DNAH6: variants seen among roughly 807,000 people sequenced by gnomAD.
DNAH6 encodes axonemal beta dynein heavy chain 6.
Under a neutral mutation model 491.4 loss-of-function variants are expected in DNAH6, and 340 were observed. That is an observed-to-expected ratio of 0.69 (90% confidence interval 0.63 to 0.76). The LOEUF (loss-of-function observed/expected upper bound fraction) is 0.76, where lower values mean the gene tolerates loss of function less well. Ranked by LOEUF, DNAH6 falls within the 30% of genes least tolerant of loss-of-function variation. The pLI is 0.00. For missense variants in DNAH6, 4,443 were observed against 4,972.2 expected (o/e 0.89, Z 3.20); for synonymous variants, 1,603 against 1,686.1 (o/e 0.95, Z 1.21).
At chr2:84,488,385 T>TA in the DNAH6 span, among the ~76,000 whole-genome samples, 2 of 82,520 alleles carry the variant, frequency 2.4e-5, no homozygotes, top group South Asian at 3.7e-4. Flanking sequence ...ATAAAAAAAA[T>TA]TAAAAAATAA....
chr2:84,744,970 T>C (rs1672827638), intron 62 of DNAH6, 110 bp from the exon 63 acceptor site: 4 of 673,210 alleles, frequency 5.9e-6, no homozygotes, highest in Non-Finnish European at 7.0e-6. Flanking sequence ...AGTATACTTG[T>C]GGTTAAAACT....
rs1182311759 is a variant in DNAH6, at chr2:84,529,149, T to G, written c.645T>G (p.Tyr215Ter). ...CAGTGCCAAGATCATCCATTGAATA[T>G]GATACATATAATCTAAAGTGAGTTA... ...IPAVPRSSIE[Y>*]DTYNLKVVSY... is the part of the protein sequence containing the mutation. The change falls in exon 4 of 77, where the codon TAT (tyrosine) becomes TAG (stop). Residue 215 changes from tyrosine to a stop codon, truncating the protein, a stop_gained. Transcript: ENST00000389394. LOFTEE classifies it high-confidence loss of function. The G allele has an allele frequency of 6.5e-7, 1 of 1,546,726 alleles. No individual in the cohort carries two copies. Among genetic ancestry groups the G allele is most frequent in the South Asian group, 1.2e-5 (1 of 83,832 alleles).
the DNAH6 span, among the ~76,000 whole-genome samples, chr2:84,467,355 A>G: frequency 6.6e-6 from 1 of 152,196 alleles, no homozygotes; most frequent in Non-Finnish European, 1.5e-5. Context: ...AAGAGTCTCA[A>G]TTACATGTTA....
rs116398232 is a variant in DNAH6, at chr2:84,579,600, A to G, written c.2150A>G (p.Glu717Gly). The stretch of plus-strand genomic sequence containing the variant: ...ATTATCTTTGAGGCACAAGATGCAG[A>G]GTATAAACTTGAGTTTGTTCCAACT... ...DAIIFEAQDAEYKLEFVPTTT... is the reference protein window; with the variant it reads ...DAIIFEAQDAGYKLEFVPTTT... The change falls in exon 14 of 77, where the codon GAG becomes GGG. Residue 717 changes from glutamate to glycine, a missense_variant. Around this residue, in one of 3 missense-constraint regions of DNAH6, gnomAD observed 2,977 missense variants for 3,296.6 expected, o/e 0.90. Transcript: ENST00000389394. The G allele has an allele frequency of 1.0e-3, 1,623 of 1,612,766 alleles. 2 individuals carry two copies. The highest frequency in any genetic ancestry group is 1.3e-3 in the Non-Finnish European group (1,507 of 1,179,564).
the DNAH6 span, among the ~76,000 whole-genome samples, chr2:84,473,290 G>A: frequency 2.6e-5 from 4 of 152,288 alleles, no homozygotes; most frequent in South Asian, 8.3e-4. Context: ...ATCTGATTTG[G>A]ATCATATCCC....
At chr2:84,686,592 A>ATCTCC in intron 44 of DNAH6, 35 bp downstream of exon 44, 1 of 1,173,436 alleles carries the variant, frequency 8.5e-7, no homozygotes, top group South Asian at 1.5e-5. Context: ...CTCATTTGAA[A>ATCTCC]ATTGTAAAGC....
chr2:84,556,926 C>T (rs569427830), intron 10 of DNAH6, among the ~76,000 whole-genome samples: 48 of 152,218 alleles, frequency 3.2e-4, no homozygotes, highest in Admixed American at 7.2e-4. Flanking sequence ...TTTAAAAGCA[C>T]CAGAACTTAT....
intron 61 of DNAH6, among the ~76,000 whole-genome samples, chr2:84,730,185 C>T (rs750506114): frequency 6.6e-6 from 1 of 152,108 alleles, no homozygotes; most frequent in Non-Finnish European, 1.5e-5. Flanking sequence ...GCAACAACAA[C>T]AAAAGGTGGG....
chr2:84,658,907 G>C (rs1377525836), intron 36 of DNAH6, 119 bp from the exon 37 acceptor site: 2 of 597,342 alleles, frequency 3.3e-6, no homozygotes, highest in Non-Finnish European at 5.5e-6. Context: ...AATATACACT[G>C]TGCCCATTTA....
At chr2:84,548,705 T>G (rs1039728917) in intron 8 of DNAH6, among the ~76,000 whole-genome samples, 2 of 152,088 alleles carry the variant, frequency 1.3e-5, no homozygotes, top group Non-Finnish European at 2.9e-5. Context: ...CATGGTAACC[T>G]GAATGCATGG....
intron 11 of DNAH6, among the ~76,000 whole-genome samples, chr2:84,560,780 G>A (rs1467704389): frequency 2.6e-5 from 4 of 152,090 alleles, no homozygotes; most frequent in Non-Finnish European, 1.5e-5. Flanking sequence ...CCCTACAAAC[G>A]ACATCAACTC....
intron 11 of DNAH6, among the ~76,000 whole-genome samples, chr2:84,562,999 C>G (rs1490879923): frequency 1.3e-5 from 2 of 152,056 alleles, no homozygotes; most frequent in South Asian, 2.1e-4. Flanking sequence ...CCGTGCTGTT[C>G]TCGTGATAAT....
chr2:84,806,006 C>T (rs1679381547), intron 71 of DNAH6, among the ~76,000 whole-genome samples: 1 of 152,118 alleles, frequency 6.6e-6, no homozygotes, highest in South Asian at 2.1e-4. Flanking sequence ...AATTGGTTTC[C>T]AGCTCAATGT....
chr2:84,539,949 G>T (rs1037783473), intron 4 of DNAH6, among the ~76,000 whole-genome samples: 1 of 152,164 alleles, frequency 6.6e-6, no homozygotes, highest in African/African-American at 2.4e-5. Flanking sequence ...ACAGATTGAG[G>T]TTGATAAATG....
chr2:84,808,131 A>ATATGTGTG (rs369348036), intron 71 of DNAH6, among the ~76,000 whole-genome samples: 3,605 of 141,164 alleles, frequency 0.026, 78 homozygotes, highest in African/African-American at 0.054. Flanking sequence ...GTGTATATAT[A>ATATGTGTG]TGTGTGTGTG....
intron 41 of DNAH6, among the ~76,000 whole-genome samples, chr2:84,680,753 G>A (rs576407604): frequency 1.2e-4 from 18 of 152,114 alleles, no homozygotes; most frequent in African/African-American, 4.3e-4. Context: ...AAAGAGTAGG[G>A]GCCAGGATGG....
At chr2:84,497,373 A>G in the DNAH6 span, among the ~76,000 whole-genome samples, 3 of 151,932 alleles carry the variant, frequency 2.0e-5, no homozygotes, top group African/African-American at 7.3e-5. Flanking sequence ...GTTCCTTTTT[A>G]TTGCTGAGAA....
intron 63 of DNAH6, among the ~76,000 whole-genome samples, chr2:84,756,892 G>A (rs950891231): frequency 5.9e-5 from 9 of 152,122 alleles, no homozygotes; most frequent in Non-Finnish European, 1.3e-4. Flanking sequence ...TCTAAAAAGA[G>A]GGTTTTAAGC....
the DNAH6 span, among the ~76,000 whole-genome samples, chr2:84,496,567 G>A: frequency 3.6e-4 from 55 of 152,112 alleles, no homozygotes; most frequent in African/African-American, 1.3e-3. Flanking sequence ...AATTTTTCAA[G>A]CAAATACTTG....
Sources: gnomAD v4.1 joint callset for allele counts (sites outside exome capture counted in the v4.1 genomes callset) on GRCh38, gnomAD v4.1.1 for gene constraint, gnomAD v4.1.1 regional missense constraint, MANE v1.5 for transcripts, NCBI Gene and HGNC (gene_info 2026-07-23, HGNC 2026-07-21) for gene names.